Variants in SLIT3 observed in about 807,000 individuals in gnomAD.
SLIT3 encodes slit guidance ligand 3, also known as slit homolog 3 protein.
Under a neutral mutation model 184.0 loss-of-function variants are expected in SLIT3, and 68 were observed. The ratio of observed to expected loss-of-function variants is 0.37; its 90% CI spans 0.30 to 0.45. The LOEUF is 0.45. Ranked by LOEUF, SLIT3 falls within the 20% of genes least tolerant of loss-of-function variation. The pLI is 1.00. For synonymous variants in SLIT3, 831 were observed against 828.6 expected (o/e 1.00, Z -0.05); for missense variants, 1,707 against 2,026.0 (o/e 0.84, Z 3.02).
At chr5:168,717,527 C>G (rs1237605346) in intron 23 of SLIT3, among the ~76,000 whole-genome samples, 1 of 152,184 alleles carries the variant, frequency 6.6e-6, no homozygotes, top group Non-Finnish European at 1.5e-5. Context: ...CTGAGGGCAA[C>G]AATTGTGTCT....
At chr5:168,974,154 C>T (rs2113333972) in intron 4 of SLIT3, among the ~76,000 whole-genome samples, 1 of 152,294 alleles carries the variant, frequency 6.6e-6, no homozygotes, top group Middle Eastern at 3.4e-3. Flanking sequence ...CAGAGAGGTG[C>T]AGCGTCTTGT....
At chr5:168,735,648 A>C (rs1934055522) in intron 20 of SLIT3, among the ~76,000 whole-genome samples, 1 of 141,950 alleles carries the variant, frequency 7.0e-6, no homozygotes, top group African/African-American at 2.7e-5. Context: ...ACACATACAT[A>C]TAGACAGATA....
At chr5:168,919,812 C>T (rs1021782264) in intron 4 of SLIT3, among the ~76,000 whole-genome samples, 2 of 152,116 alleles carry the variant, frequency 1.3e-5, no homozygotes, top group East Asian at 1.9e-4. Flanking sequence ...GGATTCTACA[C>T]ATTTGTCATT....
chr5:169,051,095 T>C (rs1757798993), intron 4 of SLIT3, among the ~76,000 whole-genome samples: 1 of 152,202 alleles, frequency 6.6e-6, no homozygotes, highest in Middle Eastern at 3.2e-3. Context: ...GAAGTTCATG[T>C]CAACTTCTAA....
chr5:169,005,354 CAG>C (rs1433926897), intron 4 of SLIT3, among the ~76,000 whole-genome samples: 1 of 152,188 alleles, frequency 6.6e-6, no homozygotes, highest in African/African-American at 2.4e-5. Flanking sequence ...TTTTGTAAAA[CAG>C]AGAATCTAAC....
At chr5:168,692,354 TTC>T (rs961459981) in intron 29 of SLIT3, among the ~76,000 whole-genome samples, 3 of 152,060 alleles carry the variant, frequency 2.0e-5, no homozygotes, top group Non-Finnish European at 2.9e-5. Flanking sequence ...GAGTGGATCT[TTC>T]TCTCTCTCTG....
At chr5:168,722,146 T>G in intron 23 of SLIT3, 110 bp downstream of exon 23, 1 of 908,682 alleles carries the variant, frequency 1.1e-6, no homozygotes, top group Non-Finnish European at 1.8e-6. Context: ...GAAGGTGTGT[T>G]TGGGGGTGGA....
At chr5:168,714,218 G>C (rs1012800562) in intron 23 of SLIT3, among the ~76,000 whole-genome samples, 1 of 152,222 alleles carries the variant, frequency 6.6e-6, no homozygotes, top group Non-Finnish European at 1.5e-5. Flanking sequence ...TAGTTCATGA[G>C]GTTATTTATG....
At chr5:168,874,087 G>A (rs916858957) in intron 5 of SLIT3, among the ~76,000 whole-genome samples, 11 of 151,952 alleles carry the variant, frequency 7.2e-5, no homozygotes, top group Non-Finnish European at 1.2e-4. Flanking sequence ...TAAAAGACAG[G>A]ATTATATTTT....
intron 4 of SLIT3, among the ~76,000 whole-genome samples, chr5:169,057,576 G>C (rs1474883615): frequency 3.9e-5 from 6 of 152,344 alleles, no homozygotes; most frequent in Admixed American, 3.9e-4. Context: ...CTACTAGGAA[G>C]CAGGCGTGCG....
In SLIT3 at chr5:169,002,193, T is replaced by C. The variant is rs545793805; in HGVS notation, c.414-118857A>G. ...TAAAAATTAATCAGGCATGGTGGTG[T>C]GTGCTTGTACTTCCGGCTACTAGGG... On this transcript the variant is annotated intron_variant, in intron 4 of 35. Coordinates refer to ENST00000519560, the MANE Select transcript of SLIT3 (RefSeq NM_003062.4). Among the ~76,000 whole-genome samples the C allele has an allele frequency of 4.6e-5, 7 of 150,760 alleles. No individual in the cohort carries two copies. In the East Asian group the frequency reaches 1.4e-3, roughly 29 times the overall value.
rs35895529 is a variant in SLIT3 at position 168,961,858 on chromosome 5, A to ATGTGTGTG, written c.414-78530_414-78523dup. Among the ~76,000 whole-genome samples, 51 of 148,516 alleles carry ATGTGTGTG rather than the reference A, an allele frequency of 3.4e-4. No individual in the cohort carries two copies. In the East Asian group the frequency reaches 6.9e-3, roughly 20 times the overall value. On this transcript the variant is annotated intron_variant, in intron 4 of 35. Coordinates refer to ENST00000519560, the MANE Select transcript of SLIT3 (RefSeq NM_003062.4). ...TACTATTTCAGGCATGCATGCACGC[A>ATGTGTGTG]TGTGTGTGTGTGTGTGTGTGTGTGT...
chr5:168,969,241 C>T (rs1754463664), intron 4 of SLIT3, among the ~76,000 whole-genome samples: 1 of 152,166 alleles, frequency 6.6e-6, no homozygotes, highest in Non-Finnish European at 1.5e-5. Context: ...TTTAAACAGA[C>T]ACAGTGGAGG....
chr5:169,293,471 T>A (rs779064677), intron 1 of SLIT3, among the ~76,000 whole-genome samples: 2 of 152,130 alleles, frequency 1.3e-5, no homozygotes, highest in Non-Finnish European at 2.9e-5. Flanking sequence ...TGAAGCTTCA[T>A]CCTGATCATG....
intron 4 of SLIT3, among the ~76,000 whole-genome samples, chr5:169,055,489 C>T (rs1482319801): frequency 2.0e-5 from 3 of 152,094 alleles, no homozygotes; most frequent in African/African-American, 7.2e-5. Flanking sequence ...ATTCAAGTAA[C>T]AGCAAAAAGG....
At chr5:169,239,350 T>C (rs1236895653) in intron 3 of SLIT3, among the ~76,000 whole-genome samples, 3 of 152,170 alleles carry the variant, frequency 2.0e-5, no homozygotes, top group Non-Finnish European at 1.5e-5. Flanking sequence ...GCTGGCTAAA[T>C]AGACAAATGT....
chr5:169,181,894 C>G (rs890994897), intron 4 of SLIT3, among the ~76,000 whole-genome samples: 5 of 152,096 alleles, frequency 3.3e-5, no homozygotes, highest in African/African-American at 1.2e-4. Flanking sequence ...CTTCTTTAGA[C>G]AGAGCATTTT....
intron 20 of SLIT3, among the ~76,000 whole-genome samples, chr5:168,727,385 T>C (rs1263640258): frequency 6.6e-6 from 1 of 151,380 alleles, no homozygotes; most frequent in African/African-American, 2.4e-5. Flanking sequence ...CAGATGAGGA[T>C]TGGTAGGTGA....
chr5:168,957,415 C>T (rs62377220), intron 4 of SLIT3, among the ~76,000 whole-genome samples: 5,913 of 152,156 alleles, frequency 0.039, 156 homozygotes, highest in Middle Eastern at 0.065. Flanking sequence ...TGAAAGGCTT[C>T]GTGTTTCTGT....
Sources: allele counts gnomAD v4.1 joint callset (sites outside exome capture counted in the v4.1 genomes callset), GRCh38; gene constraint gnomAD v4.1.1; transcripts MANE v1.5; gene names NCBI Gene and HGNC (gene_info 2026-07-23, HGNC 2026-07-21).